The following ABCC4 variants were observed in gnomAD, a reference collection of about 807,000 sequenced individuals.
ABCC4 encodes the protein ATP binding cassette subfamily C member 4 (PEL blood group).
ABCC4 carries 102 observed loss-of-function variants against 168.5 expected under a neutral mutation model. The ratio of observed to expected loss-of-function variants is 0.61; its 90% CI spans 0.52 to 0.71. ABCC4 has a LOEUF of 0.71. Ranked by LOEUF, ABCC4 falls within the 30% of genes least tolerant of loss-of-function variation. The probability of loss-of-function intolerance (pLI) is 0.00; values close to 1 mark genes in which losing one functional copy is unlikely to be tolerated. For synonymous variants in ABCC4, 617 were observed against 590.7 expected (o/e 1.04, Z -0.65); for missense variants, 1,402 against 1,605.8 (o/e 0.87, Z 2.17).
At chr13:95,191,019 G>A (rs2038234796) in intron 9 of ABCC4, among the ~76,000 whole-genome samples, 1 of 152,308 alleles carries the variant, frequency 6.6e-6, no homozygotes, top group African/African-American at 2.4e-5. Context: ...CCTGAAGGGT[G>A]GAACACCCCT....
chr13:95,109,158 T>C (rs576466995), intron 20 of ABCC4, among the ~76,000 whole-genome samples: 1 of 152,310 alleles, frequency 6.6e-6, no homozygotes, highest in East Asian at 1.9e-4. Flanking sequence ...GAAATACTGA[T>C]TGACTCAACG....
chr13:95,121,581 A>G (rs755012908), intron 19 of ABCC4, among the ~76,000 whole-genome samples: 5 of 151,402 alleles, frequency 3.3e-5, no homozygotes, highest in Non-Finnish European at 7.4e-5. Flanking sequence ...TAATTTTTAA[A>G]TTTTTTTGTA....
At chr13:95,061,376 T>C (rs189486422) in intron 26 of ABCC4, among the ~76,000 whole-genome samples, 3,211 of 151,974 alleles carry the variant, frequency 0.021, 54 homozygotes, top group Non-Finnish European at 0.034. Context: ...TACTTAAGCG[T>C]GATTCCAATT....
At chr13:95,261,838 C>T (rs1346375118) in intron 1 of ABCC4, among the ~76,000 whole-genome samples, 2 of 151,896 alleles carry the variant, frequency 1.3e-5, no homozygotes, top group Admixed American at 6.6e-5. Flanking sequence ...TGGCTCATGC[C>T]TATAATACCA....
chr13:95,083,543 T>C (rs2034167047), intron 20 of ABCC4, among the ~76,000 whole-genome samples: 2 of 151,442 alleles, frequency 1.3e-5, no homozygotes, highest in Admixed American at 6.6e-5. Flanking sequence ...TTTTTTTTTT[T>C]TGAGATGGAG....
intron 2 of ABCC4, among the ~76,000 whole-genome samples, chr13:95,247,332 T>C (rs1478307576): frequency 1.3e-5 from 2 of 152,184 alleles, no homozygotes; most frequent in Admixed American, 6.5e-5. Flanking sequence ...CTTTACTGGA[T>C]TGAAGCCCCA....
rs2032336830 is a variant in ABCC4, at chr13:95,041,091, T to A, written c.3735+2591A>T. Among the ~76,000 whole-genome samples the A allele has an allele frequency of 2.0e-5, 3 of 152,224 alleles. No individual in the cohort carries two copies. The South Asian group carries it at 6.2e-4, about 31-fold the overall frequency. ...CCTAAAAACTACAGGGAGGAAGCTGTCTTTAATGTGGAGATAGTGGTGCGT... is the reference window on the plus strand; with the variant it reads ...CCTAAAAACTACAGGGAGGAAGCTGACTTTAATGTGGAGATAGTGGTGCGT... On this transcript the variant is annotated intron_variant, in intron 29 of 30. Transcript: ENST00000645237.
intron 30 of ABCC4, among the ~76,000 whole-genome samples, chr13:95,031,745 C>T (rs2031887798): frequency 6.6e-6 from 1 of 152,152 alleles, no homozygotes; most frequent in Non-Finnish European, 1.5e-5. Flanking sequence ...TCTGTCTCTG[C>T]TATAAATTAG....
intron 4 of ABCC4, among the ~76,000 whole-genome samples, chr13:95,231,247 C>G (rs965299509): frequency 3.3e-5 from 5 of 152,108 alleles, no homozygotes; most frequent in African/African-American, 1.2e-4. Context: ...TGCAAACGAA[C>G]TACTACTGTA....
chr13:95,283,847 G>A (rs142939685), intron 1 of ABCC4, among the ~76,000 whole-genome samples: 2,938 of 147,534 alleles, frequency 0.02, 51 homozygotes, highest in Non-Finnish European at 0.032. Flanking sequence ...GCCGTGAGCC[G>A]AGATCTCGTC....
intron 20 of ABCC4, among the ~76,000 whole-genome samples, chr13:95,110,034 C>A (rs1042375355): frequency 6.6e-6 from 1 of 152,010 alleles, no homozygotes; most frequent in African/African-American, 2.4e-5. Flanking sequence ...ATTGGCCAGG[C>A]GTGATGGCGC....
intron 10 of ABCC4, among the ~76,000 whole-genome samples, chr13:95,187,817 C>T (rs941337264): frequency 1.6e-4 from 24 of 152,150 alleles, no homozygotes; most frequent in African/African-American, 5.1e-4. Context: ...TCTGTACGCA[C>T]GTTTCCTTCA....
rs150795105 is a variant in ABCC4 at position 95,283,855 on chromosome 13, G to A, written c.74+17386C>T. Among the ~76,000 whole-genome samples, 145 of 147,994 alleles carry A rather than the reference G, an allele frequency of 9.8e-4. 1 individual carries two copies. In the East Asian group the frequency reaches 0.022, roughly 23 times the overall value. Reference sequence around the variant, plus strand: ...AGAGGTTGCCGTGAGCCGAGATCTCGTCATTGCACTCCAGCCTGGGCAACA... The same window carrying A: ...AGAGGTTGCCGTGAGCCGAGATCTCATCATTGCACTCCAGCCTGGGCAACA... On this transcript the variant is annotated intron_variant, in intron 1 of 30. Transcript: ENST00000645237.
chr13:95,173,296 C>T (rs1476394926), intron 13 of ABCC4, among the ~76,000 whole-genome samples: 2 of 152,190 alleles, frequency 1.3e-5, no homozygotes, highest in East Asian at 1.9e-4. Context: ...ATGCGCTGTG[C>T]AAAGGCACCT....
chr13:95,117,339 T>C (rs1366839905), intron 19 of ABCC4, among the ~76,000 whole-genome samples: 2 of 151,492 alleles, frequency 1.3e-5, no homozygotes, highest in Non-Finnish European at 2.9e-5. Context: ...GGTGCGATGA[T>C]GACTATGACC....
intron 30 of ABCC4, among the ~76,000 whole-genome samples, chr13:95,028,069 G>GA (rs34839857): frequency 0.1 from 15,589 of 152,158 alleles, 1,046 homozygotes; most frequent in Admixed American, 0.17. Flanking sequence ...TCAAAGAAAG[G>GA]TGTGTTAAAA....
At chr13:95,286,652 G>A (rs562566373) in intron 1 of ABCC4, among the ~76,000 whole-genome samples, 149 of 152,078 alleles carry the variant, frequency 9.8e-4, no homozygotes, top group Middle Eastern at 6.8e-3. Flanking sequence ...GATTGGAGGT[G>A]AGGGAGAAAA....
Position 95,021,684 on chromosome 13 carries a change from T to TGG in ABCC4, c.3871-3_3871-2insCC. On this transcript the variant is annotated splice_polypyrimidine_tract_variant and splice_region_variant and intron_variant, in intron 30 of 30. Coordinates refer to ENST00000645237, the MANE Select transcript of ABCC4 (RefSeq NM_005845.5). ...TGGATAATTTCTTTTGAAGTATACC[T>TGG]AGAAAAAAAAAAGGTAAGCATAAAA... The TGG allele has an allele frequency of 1.4e-5, 21 of 1,468,810 alleles. No individual in the cohort carries two copies. The highest frequency in any genetic ancestry group is 1.6e-5 in the Non-Finnish European group (17 of 1,075,392). The allele number at this position is 1,468,810 out of a possible 1,614,324, so 91.0% of individuals were successfully genotyped here.
intron 20 of ABCC4, among the ~76,000 whole-genome samples, chr13:95,100,366 G>A (rs932448319): frequency 2.0e-5 from 3 of 152,316 alleles, no homozygotes; most frequent in Admixed American, 1.3e-4. Context: ...GCCAGCCTGG[G>A]AAGCCTGGGA....
Sources: allele counts gnomAD v4.1 joint callset (sites outside exome capture counted in the v4.1 genomes callset), GRCh38; gene constraint gnomAD v4.1.1; transcripts MANE v1.5; gene names NCBI Gene and HGNC (gene_info 2026-07-23, HGNC 2026-07-21).